Variants in FRAS1 observed in about 807,000 individuals in gnomAD.
FRAS1 encodes the protein Fraser extracellular matrix complex subunit 1.
FRAS1 carries 290 observed loss-of-function variants against 435.2 expected under a neutral mutation model. The ratio of observed to expected loss-of-function variants is 0.67; its 90% CI spans 0.61 to 0.73. The LOEUF is 0.73. FRAS1 is among the 30% of genes least tolerant of loss of function. FRAS1 has a pLI of 0.00. For synonymous variants in FRAS1, 1,800 were observed against 1,851.0 expected (o/e 0.97, Z 0.71); for missense variants, 4,860 against 5,001.5 (o/e 0.97, Z 0.85).
rs1485170485 is a variant in FRAS1 at position 78,464,019 on chromosome 4, A to G, written c.6764-2A>G. On this transcript the variant is annotated splice_acceptor_variant, in intron 47 of 73. Coordinates refer to ENST00000512123, the MANE Select transcript of FRAS1 (RefSeq NM_025074.7). LOFTEE classifies it high-confidence loss of function. ...TCTGTTTCTCTTTTCCCCTTTTTCTAGGTATCCAGATTAGTTCCTTTACTC... is the reference window on the plus strand; with the variant it reads ...TCTGTTTCTCTTTTCCCCTTTTTCTGGGTATCCAGATTAGTTCCTTTACTC... 6.2e-7 allele frequency: 1 copy of G among 1,612,644 alleles called. No homozygotes were observed. The highest frequency in any genetic ancestry group is 1.3e-5 in the African/African-American group (1 of 74,970).
intron 59 of FRAS1, among the ~76,000 whole-genome samples, chr4:78,495,853 A>G (rs1316918971): frequency 6.6e-6 from 1 of 152,116 alleles, no homozygotes; most frequent in African/African-American, 2.4e-5. Flanking sequence ...TGCTAACTTC[A>G]TGCTTTCTAT....
In FRAS1 at chr4:78,271,547, G is replaced by A. The variant is rs368417934; in HGVS notation, c.981+4115G>A. Among the ~76,000 whole-genome samples the A allele has an allele frequency of 5.4e-4, 82 of 152,240 alleles. No individual in the cohort carries two copies. The East Asian group carries it at 0.013, about 24-fold the overall frequency. On this transcript the variant is annotated intron_variant, in intron 9 of 73. Transcript: ENST00000512123. ...TTCTCATTGTTCAATTCCCACCTAT[G>A]AGTGAGAACATGCAGTGTTTATTTT...
At chr4:78,154,020 G>A (rs1720779166) in intron 2 of FRAS1, among the ~76,000 whole-genome samples, 1 of 151,656 alleles carries the variant, frequency 6.6e-6, no homozygotes, top group African/African-American at 2.4e-5. Context: ...TTTTTGTTCA[G>A]CAGAAATTTT....
At chr4:78,392,191 T>A (rs1456338404) in intron 29 of FRAS1, among the ~76,000 whole-genome samples, 1 of 152,156 alleles carries the variant, frequency 6.6e-6, no homozygotes, top group Non-Finnish European at 1.5e-5. Context: ...TTCTTTATGC[T>A]GGTAAATTTC....
intron 2 of FRAS1, chr4:78,070,378 C>T (rs1298062456): frequency 6.6e-6 from 1 of 152,094 alleles, no homozygotes; most frequent in African/African-American, 2.4e-5. Context: ...GTGTAGCCAT[C>T]TCTAAATTAT....
chr4:78,181,859 G>A, intron 2 of FRAS1: 1 of 1,612,034 alleles, frequency 6.2e-7, no homozygotes, highest in Non-Finnish European at 8.5e-7. Flanking sequence ...TGCCGCGTTG[G>A]AGTTGGTCTG....
At chr4:78,416,023 A>C (rs1164554634) in intron 32 of FRAS1, among the ~76,000 whole-genome samples, 2 of 152,240 alleles carry the variant, frequency 1.3e-5, no homozygotes, top group Non-Finnish European at 2.9e-5. Flanking sequence ...ATGTGGAAGC[A>C]ATCTAAATGT....
At chr4:78,078,664 A>C (rs1740762244) in intron 2 of FRAS1, among the ~76,000 whole-genome samples, 1 of 152,120 alleles carries the variant, frequency 6.6e-6, no homozygotes, top group African/African-American at 2.4e-5. Context: ...AGAACAAAAA[A>C]ATTTAAAAAT....
chr4:78,298,847 C>G (rs1291337198), intron 14 of FRAS1, among the ~76,000 whole-genome samples: 1 of 152,040 alleles, frequency 6.6e-6, no homozygotes, highest in Non-Finnish European at 1.5e-5. Flanking sequence ...AACATGGTCC[C>G]CATTTGGGAG....
chr4:78,060,567 T>C (rs1047749700), intron 1 of FRAS1, among the ~76,000 whole-genome samples: 1 of 152,232 alleles, frequency 6.6e-6, no homozygotes, highest in Non-Finnish European at 1.5e-5. Flanking sequence ...CAGCTCCTAG[T>C]ATACACTAAG....
At chr4:78,447,661 C>A (rs1718895875) in intron 43 of FRAS1, among the ~76,000 whole-genome samples, 1 of 152,118 alleles carries the variant, frequency 6.6e-6, no homozygotes, top group South Asian at 2.1e-4. Context: ...AAAGCATATT[C>A]TCATCTCTGC....
At chr4:78,444,149 C>G (rs1288338956) in intron 41 of FRAS1, 2 of 455,382 alleles carry the variant, frequency 4.4e-6, no homozygotes, top group South Asian at 1.6e-5. Flanking sequence ...GCCACCATGC[C>G]CAGTCACTAC....
Position 78,540,977 on chromosome 4 carries a change from G to A in FRAS1, c.11892G>A (p.Lys3964=). ...AGAGGCACCCGGACCGGGTGGAGAA[G>A]AACGTGAATAGACACTACTGCACTG... The part of the protein sequence containing the change: ...VPKRHPDRVE[K]NVNRHYCTVR... The change falls in exon 74 of 74, where the codon AAG becomes AAA. Residue 3964 remains lysine (K), a synonymous_variant. Coordinates refer to ENST00000512123, the MANE Select transcript of FRAS1 (RefSeq NM_025074.7). The A allele has an allele frequency of 6.2e-7, 1 of 1,613,386 alleles. No individual in the cohort carries two copies. The highest frequency in any genetic ancestry group is 8.5e-7 in the Non-Finnish European group (1 of 1,179,604).
At chr4:78,376,190 A>T (rs189264202) in intron 26 of FRAS1, among the ~76,000 whole-genome samples, 1 of 152,336 alleles carries the variant, frequency 6.6e-6, no homozygotes, top group East Asian at 1.9e-4. Context: ...TTACATATAT[A>T]CAGTCACACT....
intron 44 of FRAS1, among the ~76,000 whole-genome samples, 189 bp from the exon 45 acceptor site, chr4:78,449,962 A>G (rs1718971365): frequency 6.6e-6 from 1 of 151,190 alleles, no homozygotes. Context: ...AAATTAGTAA[A>G]TTGAAATGTC....
chr4:78,080,248 C>T (rs1370290027), intron 2 of FRAS1, among the ~76,000 whole-genome samples: 2 of 152,136 alleles, frequency 1.3e-5, no homozygotes, highest in African/African-American at 4.8e-5. Context: ...ATTTATTCCC[C>T]TGGGGAACAG....
intron 52 of FRAS1, 75 bp downstream of exon 52, chr4:78,472,405 T>C: frequency 7.5e-7 from 1 of 1,332,544 alleles, no homozygotes; most frequent in African/African-American, 1.5e-5. Context: ...CAGATTCTTC[T>C]CACAGCCACT....
chr4:78,185,029 GGGTCA>G (rs1722214836), intron 2 of FRAS1, among the ~76,000 whole-genome samples: 1 of 152,092 alleles, frequency 6.6e-6, no homozygotes, highest in Non-Finnish European at 1.5e-5. Context: ...TGGTGCCCTT[GGGTCA>G]TAGGCCTAGT....
intron 2 of FRAS1, chr4:78,181,846 GC>G: frequency 6.2e-7 from 1 of 1,611,912 alleles, no homozygotes; most frequent in Non-Finnish European, 8.5e-7. Flanking sequence ...GCAGCTGTTT[GC>G]CTGCCGCGTT....
Sources: gnomAD v4.1 joint callset for allele counts (sites outside exome capture counted in the v4.1 genomes callset) on GRCh38, gnomAD v4.1.1 for gene constraint, MANE v1.5 for transcripts, NCBI Gene and HGNC (gene_info 2026-07-23, HGNC 2026-07-21) for gene names.